The following NKAIN2 variants were observed in gnomAD, a reference collection of about 807,000 sequenced individuals.
NKAIN2 encodes sodium/potassium transporting ATPase interacting 2.
In NKAIN2, 14 loss-of-function variants were observed where a neutral mutation model predicts 32.6. The observed-to-expected ratio is 0.43, with a 90% confidence interval of 0.28 to 0.67. The LOEUF is 0.67. Ranked by LOEUF, NKAIN2 falls within the 30% of genes least tolerant of loss-of-function variation. The pLI is 0.17. For missense variants in NKAIN2, 198 were observed against 258.3 expected, an observed-to-expected ratio of 0.77 and a Z score of 1.60; for synonymous variants, 80 against 87.2, an observed-to-expected ratio of 0.92 and a Z score of 0.46.
chr6:123,810,008 T>C (rs540435116), intron 1 of NKAIN2, among the ~76,000 whole-genome samples: 1 of 152,332 alleles, frequency 6.6e-6, no homozygotes, highest in South Asian at 2.1e-4. Context: ...TTTAAAAATC[T>C]AGTTTTATAA....
chr6:123,813,023 G>T (rs1773543591), intron 1 of NKAIN2, among the ~76,000 whole-genome samples: 1 of 152,232 alleles, frequency 6.6e-6, no homozygotes, highest in African/African-American at 2.4e-5. Flanking sequence ...GAACTGTTCG[G>T]TGGTAGGGAA....
chr6:124,737,695 C>T (rs999177513), intron 4 of NKAIN2, among the ~76,000 whole-genome samples: 25 of 151,922 alleles, frequency 1.6e-4, no homozygotes, highest in African/African-American at 5.1e-4. Flanking sequence ...TTTGGAACTT[C>T]CTTGAGATTT....
intron 3 of NKAIN2, among the ~76,000 whole-genome samples, chr6:124,376,752 C>A (rs1375848001): frequency 2.6e-5 from 4 of 152,080 alleles, no homozygotes; most frequent in East Asian, 1.9e-4. Context: ...TTATAAATTT[C>A]TCTACTATAA....
intron 2 of NKAIN2, among the ~76,000 whole-genome samples, chr6:124,331,371 A>AAAAAAAC (rs1562494298): frequency 1.4e-5 from 2 of 144,112 alleles, no homozygotes; most frequent in African/African-American, 5.3e-5. Flanking sequence ...AAAAAAAAAA[A>AAAAAAAC]AAAAAAAACT....
chr6:123,938,434 A>T (rs868187073), intron 1 of NKAIN2, among the ~76,000 whole-genome samples: 14 of 89,112 alleles, frequency 1.6e-4, no homozygotes, highest in East Asian at 9.4e-4. Flanking sequence ...ATATATATAT[A>T]TATATATATA....
At chr6:124,736,501 A>G (rs1776948186) in intron 4 of NKAIN2, among the ~76,000 whole-genome samples, 2 of 151,960 alleles carry the variant, frequency 1.3e-5, no homozygotes, top group African/African-American at 4.8e-5. Flanking sequence ...GACAGAAGTC[A>G]ATGCCTGGCT....
chr6:124,299,582 T>C (rs1308696267), intron 2 of NKAIN2, among the ~76,000 whole-genome samples: 1 of 152,164 alleles, frequency 6.6e-6, no homozygotes, highest in African/African-American at 2.4e-5. Context: ...GATAAAAAAA[T>C]GTTGTTTCTA....
chr6:124,537,230 A>G (rs1779749608), intron 3 of NKAIN2, among the ~76,000 whole-genome samples: 1 of 152,232 alleles, frequency 6.6e-6, no homozygotes, highest in South Asian at 2.1e-4. Flanking sequence ...TAAACTGAGA[A>G]TTAGAATGGT....
At chr6:124,258,913 C>T (rs892175882) in intron 1 of NKAIN2, among the ~76,000 whole-genome samples, 3 of 152,152 alleles carry the variant, frequency 2.0e-5, no homozygotes, top group Non-Finnish European at 4.4e-5. Flanking sequence ...ATTTTGAGAG[C>T]AGTGGATGTT....
chr6:124,395,751 G>A (rs1311742753), intron 3 of NKAIN2, among the ~76,000 whole-genome samples: 1 of 151,910 alleles, frequency 6.6e-6, no homozygotes, highest in Non-Finnish European at 1.5e-5. Context: ...AAATAGAATG[G>A]CAATGGATAT....
At chr6:124,670,812 A>G (rs1314025675) in intron 4 of NKAIN2, among the ~76,000 whole-genome samples, 6 of 152,048 alleles carry the variant, frequency 3.9e-5, no homozygotes, top group Admixed American at 2.0e-4. Flanking sequence ...GGAAGCTCTG[A>G]TGACAAATAG....
intron 1 of NKAIN2, among the ~76,000 whole-genome samples, chr6:124,132,008 A>G (rs144937425): frequency 6.6e-6 from 1 of 152,276 alleles, no homozygotes; most frequent in East Asian, 1.9e-4. Flanking sequence ...AGGGAAGCTT[A>G]TGGCCTGGGG....
chr6:123,880,535 C>T (rs373896314), intron 1 of NKAIN2, among the ~76,000 whole-genome samples: 92 of 152,210 alleles, frequency 6.0e-4, no homozygotes, highest in Admixed American at 1.0e-3. Context: ...ATGGATGGTC[C>T]ACTAGCCACT....
At chr6:123,821,811 G>C (rs1174013026) in intron 1 of NKAIN2, among the ~76,000 whole-genome samples, 2 of 152,168 alleles carry the variant, frequency 1.3e-5, no homozygotes, top group Non-Finnish European at 2.9e-5. Context: ...TATGAATAAA[G>C]TGATTTTAGA....
intron 3 of NKAIN2, among the ~76,000 whole-genome samples, chr6:124,583,225 C>T (rs536652517): frequency 0.086 from 2,718 of 31,618 alleles, 38 homozygotes; most frequent in Middle Eastern, 0.21. Context: ...CCTAAAGACT[C>T]CACCAAAAAA....
chr6:124,738,513 A>G (rs1031430143), intron 4 of NKAIN2, among the ~76,000 whole-genome samples: 8 of 151,894 alleles, frequency 5.3e-5, no homozygotes, highest in African/African-American at 1.4e-4. Flanking sequence ...AATGGAAATT[A>G]TTGCTATGCT....
In NKAIN2 at chr6:123,827,561, G is replaced by A. The variant is rs137891170; in HGVS notation, c.54+23307G>A. Among the ~76,000 whole-genome samples the A allele has an allele frequency of 2.1e-3, 313 of 152,118 alleles. 2 individuals are homozygous for A. Among genetic ancestry groups the A allele is most frequent in the African/African-American group, 4.9e-3 (203 of 41,502 alleles). On this transcript the variant is annotated intron_variant, in intron 1 of 6. Coordinates refer to ENST00000368417, the MANE Select transcript of NKAIN2 (RefSeq NM_001040214.3). ...TTGGATATATATGTATTATTACTTCGCACATCAAATCTCTTCAAGAAATGT... is the reference window on the plus strand; with the variant it reads ...TTGGATATATATGTATTATTACTTCACACATCAAATCTCTTCAAGAAATGT...
At chr6:123,974,270 T>C (rs1778457417) in intron 1 of NKAIN2, among the ~76,000 whole-genome samples, 1 of 151,986 alleles carries the variant, frequency 6.6e-6, no homozygotes, top group South Asian at 2.1e-4. Context: ...TTAGAAAGGA[T>C]ATTTTCCATT....
chr6:124,696,412 G>A (rs1774499927), intron 4 of NKAIN2, among the ~76,000 whole-genome samples: 1 of 152,028 alleles, frequency 6.6e-6, no homozygotes, highest in African/African-American at 2.4e-5. Flanking sequence ...CCCCAAAAGG[G>A]CCACATACAA....
Sources: allele counts gnomAD v4.1 joint callset (sites outside exome capture counted in the v4.1 genomes callset), GRCh38; gene constraint gnomAD v4.1.1; transcripts MANE v1.5; gene names NCBI Gene and HGNC (gene_info 2026-07-23, HGNC 2026-07-21).